Variants in MTMR14 observed in about 807,000 individuals in gnomAD.
The protein encoded by MTMR14 is phosphatidylinositol-3,5-bisphosphate 3-phosphatase MTMR14.
In MTMR14, 48 loss-of-function variants were observed where a neutral mutation model predicts 86.3. The ratio of observed to expected loss-of-function variants is 0.56; its 90% CI spans 0.44 to 0.71. The LOEUF is 0.71. MTMR14 is among the 30% of genes least tolerant of loss of function. The pLI is 0.00. For missense variants in MTMR14, 780 were observed against 834.6 expected (o/e 0.93, Z 0.81); for synonymous variants, 366 against 326.1 (o/e 1.12, Z -1.32).
intron 9 of MTMR14, 43 bp downstream of exon 9, chr3:9,678,101 G>C (rs1267906990): frequency 6.2e-7 from 1 of 1,602,306 alleles, no homozygotes; most frequent in African/African-American, 1.3e-5. Context: ...ATAAGGGAGT[G>C]GTGACCAAGG....
At chr3:9,664,938 G>C (rs933716534) in intron 3 of MTMR14, among the ~76,000 whole-genome samples, 17 of 152,128 alleles carry the variant, frequency 1.1e-4, no homozygotes, top group African/African-American at 4.1e-4. Flanking sequence ...AAATGCTTGA[G>C]GTGATGGATA....
Position 9,701,974 on chromosome 3 carries a change from AG to A in MTMR14, c.*2del. On this transcript the variant is annotated 3_prime_UTR_variant, in exon 19 of 19. Coordinates refer to ENST00000296003, the MANE Select transcript of MTMR14 (RefSeq NM_001077525.3). This position sits in a 1 kb window ranked among gnomAD's most constrained non-coding sequence, Gnocchi z 4.2. ...GAGCATCAGCAGCAATGCCTTGTGA[AG>A]AAGCCAGCCCATGACATTTTCCTGC... The A allele has an allele frequency of 6.2e-7, 1 of 1,614,140 alleles. No individual in the cohort carries two copies. Among genetic ancestry groups the A allele is most frequent in the Non-Finnish European group, 8.5e-7 (1 of 1,180,048 alleles).
intron 17 of MTMR14, among the ~76,000 whole-genome samples, chr3:9,694,996 C>T (rs2076242709): frequency 6.6e-6 from 1 of 152,218 alleles, no homozygotes; most frequent in Non-Finnish European, 1.5e-5. Context: ...AGCTCCGCCA[C>T]CATCCAGTTT....
At position 9,702,023 on chromosome 3, in the gene MTMR14, G is replaced by C. The variant is rs772186735; in HGVS notation, c.*50G>C. ...TGCTCCTCTCTCAGCTGAGCCCTTA[G>C]CAGAGAATCAAAGCCATGCCTGGCC... On this transcript the variant is annotated 3_prime_UTR_variant, in exon 19 of 19. Transcript: ENST00000296003. 1.2e-6 allele frequency: 2 copies of C among 1,610,978 alleles called. No homozygotes were observed. The highest frequency in any genetic ancestry group is 2.2e-5 in the South Asian group (2 of 90,936).
At position 9,672,778 on chromosome 3, in the gene MTMR14, T is replaced by A; in HGVS notation, c.751+20T>A. 2 of 1,612,446 alleles carry A rather than the reference T, an allele frequency of 1.2e-6. No individual in the cohort carries two copies. The highest frequency in any genetic ancestry group is 1.7e-6 in the Non-Finnish European group (2 of 1,178,454). On this transcript the variant is annotated intron_variant, in intron 7 of 18. Coordinates refer to ENST00000296003, the MANE Select transcript of MTMR14 (RefSeq NM_001077525.3). Reference sequence around the variant, plus strand: ...ATCCAGGTAGGGGGCTCTCTTCTAGTGGCAGGCATCCTAGGACTGGGGACC... The same window carrying A: ...ATCCAGGTAGGGGGCTCTCTTCTAGAGGCAGGCATCCTAGGACTGGGGACC...
chr3:9,663,108 A>G (rs2048032061), intron 3 of MTMR14, among the ~76,000 whole-genome samples: 1 of 152,190 alleles, frequency 6.6e-6, no homozygotes, highest in South Asian at 2.1e-4. Flanking sequence ...GTGACGTTTG[A>G]GCGGGGAAAT....
chr3:9,667,974 A>G (rs1303565590), intron 3 of MTMR14, among the ~76,000 whole-genome samples: 2 of 152,128 alleles, frequency 1.3e-5, no homozygotes, highest in Admixed American at 6.6e-5. Context: ...CCTTTAGCTA[A>G]ATTCTGGGCT....
At chr3:9,675,529 T>A (rs1307973808) in intron 7 of MTMR14, 1 of 456,414 alleles carries the variant, frequency 2.2e-6, no homozygotes, top group Non-Finnish European at 4.4e-6. Context: ...TATTCTGGGA[T>A]CGTTTCTTTC....
chr3:9,674,804 C>CT (rs1663064387), intron 7 of MTMR14, among the ~76,000 whole-genome samples: 1 of 151,984 alleles, frequency 6.6e-6, no homozygotes, highest in Non-Finnish European at 1.5e-5. Flanking sequence ...TTCCCCAAAG[C>CT]TTTTTTTGTT....
intron 2 of MTMR14, among the ~76,000 whole-genome samples, chr3:9,660,352 G>A (rs1317008519): frequency 2.6e-5 from 4 of 152,108 alleles, no homozygotes; most frequent in South Asian, 2.1e-4. Context: ...TCTGCCTCCC[G>A]GGTTCAAGCA....
intron 17 of MTMR14, among the ~76,000 whole-genome samples, chr3:9,693,877 A>G (rs2076208210): frequency 6.6e-6 from 1 of 152,228 alleles, no homozygotes; most frequent in Non-Finnish European, 1.5e-5. Context: ...TGTATATGGA[A>G]AAGCCTAGTG....
intron 9 of MTMR14, among the ~76,000 whole-genome samples, chr3:9,678,690 T>C (rs1033137282): frequency 1.3e-5 from 2 of 152,250 alleles, no homozygotes; most frequent in African/African-American, 4.8e-5. Context: ...CCCTTCAGGC[T>C]TTGGCTCGAG....
intron 18 of MTMR14, among the ~76,000 whole-genome samples, chr3:9,698,636 C>T (rs1048540087): frequency 2.6e-5 from 4 of 152,212 alleles, no homozygotes; most frequent in Non-Finnish European, 4.4e-5. Flanking sequence ...CCCCCCACCC[C>T]TGTTGGCAGG....
rs370205240 is a variant in MTMR14, at chr3:9,653,786, C to T, written c.308+17C>T. On this transcript the variant is annotated intron_variant, in intron 2 of 18. Transcript: ENST00000296003. ...GAAAGACACGTGAGCATCATGTGAC[C>T]GTAGTGTACATGTCTGGGGAGTCCG... 1.1e-4 allele frequency: 185 copies of T among 1,613,888 alleles called. No homozygotes were observed. Among genetic ancestry groups the T allele is most frequent in the Non-Finnish European group, 1.3e-4 (156 of 1,179,990 alleles).
At chr3:9,694,894 A>G (rs532220902) in intron 17 of MTMR14, among the ~76,000 whole-genome samples, 1 of 152,212 alleles carries the variant, frequency 6.6e-6, no homozygotes, top group Non-Finnish European at 1.5e-5. Context: ...GCCGCATCCA[A>G]CTAAGGAAGT....
At chr3:9,686,320 G>A (rs1416902928) in intron 13 of MTMR14, among the ~76,000 whole-genome samples, 1 of 152,154 alleles carries the variant, frequency 6.6e-6, no homozygotes, top group East Asian at 1.9e-4. Context: ...CGGAGCTCTG[G>A]GACATTCTAC....
At chr3:9,688,143 C>T (rs2076021839) in intron 14 of MTMR14, among the ~76,000 whole-genome samples, 1 of 152,152 alleles carries the variant, frequency 6.6e-6, no homozygotes, top group Non-Finnish European at 1.5e-5. Flanking sequence ...TTGGGACAGA[C>T]GAGTGGTCTC....
At chr3:9,658,005 C>G (rs1167378316) in intron 2 of MTMR14, among the ~76,000 whole-genome samples, 4 of 152,200 alleles carry the variant, frequency 2.6e-5, no homozygotes, top group Non-Finnish European at 4.4e-5. Flanking sequence ...CCCACCTTGT[C>G]TAGCAGAACC....
intron 9 of MTMR14, among the ~76,000 whole-genome samples, chr3:9,678,630 C>T (rs943662926): frequency 3.3e-5 from 5 of 152,210 alleles, no homozygotes; most frequent in African/African-American, 1.2e-4. Flanking sequence ...TGTCCTGTTC[C>T]TCTGCCTGGC....
Sources: gnomAD v4.1 joint callset for allele counts (sites outside exome capture counted in the v4.1 genomes callset) on GRCh38, gnomAD v4.1.1 for gene constraint, Gnocchi (gnomAD v3.1) non-coding constraint, MANE v1.5 for transcripts, NCBI Gene and HGNC (gene_info 2026-07-23, HGNC 2026-07-21) for gene names.